INPP4B: variants seen among roughly 807,000 people sequenced by gnomAD.
The protein encoded by INPP4B is inositol polyphosphate 4-phosphatase type II.
Under a neutral mutation model 122.5 loss-of-function variants are expected in INPP4B, and 55 were observed. The ratio of observed to expected loss-of-function variants is 0.45; its 90% confidence interval spans 0.36 to 0.56. INPP4B has a LOEUF of 0.56. Ranked by LOEUF, INPP4B falls within the 20% of genes least tolerant of loss-of-function variation. The probability of loss-of-function intolerance (pLI) is 0.00; values close to 1 mark genes in which losing one functional copy is unlikely to be tolerated. For missense variants in INPP4B, 1,000 were observed against 1,097.7 expected (o/e 0.91, Z 1.26); for synonymous variants, 403 against 388.7 (o/e 1.04, Z -0.43).
intron 9 of INPP4B, among the ~76,000 whole-genome samples, chr4:142,301,955 T>C (rs574508166): frequency 1.3e-4 from 20 of 152,312 alleles, no homozygotes; most frequent in African/African-American, 4.3e-4. Context: ...TCAACTTTTA[T>C]ATTATTTTAT....
intron 25 of INPP4B, among the ~76,000 whole-genome samples, chr4:142,032,569 T>G (rs1297549707): frequency 6.6e-6 from 1 of 152,212 alleles, no homozygotes; most frequent in Non-Finnish European, 1.5e-5. Flanking sequence ...AAATTACTTT[T>G]TCATGTATTT....
At chr4:142,843,088 A>G (rs1176884526) in intron 1 of INPP4B, among the ~76,000 whole-genome samples, 38 of 150,804 alleles carry the variant, frequency 2.5e-4, no homozygotes, top group Non-Finnish European at 5.9e-5. Context: ...TGTGCCTGAG[A>G]CTGAAAGAGT....
chr4:142,721,940 T>C lies in INPP4B; in HGVS notation c.-191+3899A>G, dbSNP rs186689393. ...ATCTTTTAGTCTTTTAAATATACCT[T>C]CAATGGAAATCCTGGAGATTCAAGG... On this transcript the variant is annotated intron_variant, in intron 2 of 25. Transcript: ENST00000262992. Among the ~76,000 whole-genome samples, 713 of 152,290 alleles carry C rather than the reference T, an allele frequency of 4.7e-3. 4 individuals are homozygous for C. The highest frequency in any genetic ancestry group is 0.027 in the Middle Eastern group (8 of 294).
At chr4:142,116,299 G>A (rs960403254) in intron 21 of INPP4B, among the ~76,000 whole-genome samples, 2 of 152,088 alleles carry the variant, frequency 1.3e-5, no homozygotes, top group Non-Finnish European at 2.9e-5. Context: ...ACTCAGCTCT[G>A]CACCAAGCAG....
At chr4:142,509,610 G>C (rs1463772478) in intron 2 of INPP4B, among the ~76,000 whole-genome samples, 1 of 152,062 alleles carries the variant, frequency 6.6e-6, no homozygotes, top group African/African-American at 2.4e-5. Flanking sequence ...GCCACATTTT[G>C]GGAAAACTGG....
At chr4:142,384,514 T>C (rs1468111243) in intron 7 of INPP4B, among the ~76,000 whole-genome samples, 1 of 151,918 alleles carries the variant, frequency 6.6e-6, no homozygotes, top group Non-Finnish European at 1.5e-5. Context: ...TTTGTATATC[T>C]AAACATATCT....
At position 142,837,159 on chromosome 4, in the gene INPP4B, A is replaced by AAATAATAATAAT. The variant is rs150797757; in HGVS notation, c.-254+9038_-254+9049dup. ...TGACAAGAGGGAAACACAGTCTCAAAAATAATAATAATAATAATAATAATA... is the reference window on the plus strand; with the variant it reads ...TGACAAGAGGGAAACACAGTCTCAAAAATAATAATAATAATAATAATAATAATAATAATAATA... On this transcript the variant is annotated intron_variant, in intron 1 of 25. Coordinates refer to ENST00000262992, the MANE Select transcript of INPP4B (RefSeq NM_001101669.3). Among the ~76,000 whole-genome samples, 1,402 of 149,048 alleles carry AAATAATAATAAT rather than the reference A, an allele frequency of 9.4e-3. 25 individuals carry two copies. Among genetic ancestry groups the AAATAATAATAAT allele is most frequent in the African/African-American group, 0.033 (1,300 of 39,568 alleles).
intron 7 of INPP4B, among the ~76,000 whole-genome samples, chr4:142,374,184 A>G (rs577896357): frequency 1.3e-5 from 2 of 152,022 alleles, no homozygotes; most frequent in African/African-American, 4.8e-5. Flanking sequence ...CATTTTATTG[A>G]TAAGTAAAGT....
At chr4:142,254,539 G>A (rs192331080) in intron 11 of INPP4B, among the ~76,000 whole-genome samples, 173 of 152,276 alleles carry the variant, frequency 1.1e-3, no homozygotes, top group African/African-American at 3.7e-3. Flanking sequence ...GCCAAGGCTC[G>A]AGAACTCTGT....
intron 2 of INPP4B, among the ~76,000 whole-genome samples, chr4:142,679,628 T>TTTAA (rs1758309776): frequency 6.6e-6 from 1 of 151,816 alleles, no homozygotes; most frequent in African/African-American, 2.4e-5. Flanking sequence ...TTGGCATGCA[T>TTTAA]TTAACCATAG....
intron 8 of INPP4B, among the ~76,000 whole-genome samples, chr4:142,312,615 T>G (rs1765940180): frequency 6.6e-6 from 1 of 152,136 alleles, no homozygotes; most frequent in Non-Finnish European, 1.5e-5. Flanking sequence ...TTCTTCCATG[T>G]GGGATGGCAA....
chr4:142,715,312 G>T (rs1763624332), intron 2 of INPP4B, among the ~76,000 whole-genome samples: 1 of 152,116 alleles, frequency 6.6e-6, no homozygotes, highest in Non-Finnish European at 1.5e-5. Flanking sequence ...TATAAATATT[G>T]AGCACTTGAA....
At chr4:142,693,366 TGAG>T in intron 2 of INPP4B, among the ~76,000 whole-genome samples, 1 of 151,918 alleles carries the variant, frequency 6.6e-6, no homozygotes, top group Admixed American at 6.6e-5. Context: ...TTTCTTAGGC[TGAG>T]TTCCTTAAAG....
chr4:142,544,075 G>T (rs549139630), intron 2 of INPP4B, among the ~76,000 whole-genome samples: 17 of 151,092 alleles, frequency 1.1e-4, no homozygotes, highest in Non-Finnish European at 1.6e-4. Flanking sequence ...CCTAGTTAGA[G>T]ACTCTGGGGC....
At chr4:142,205,988 TA>T (rs949000985) in intron 14 of INPP4B, among the ~76,000 whole-genome samples, 58 of 152,064 alleles carry the variant, frequency 3.8e-4, no homozygotes, top group African/African-American at 1.2e-3. Flanking sequence ...GAGTAACTTA[TA>T]AAAAAATATA....
chr4:142,718,671 T>C (rs897715523), intron 2 of INPP4B, among the ~76,000 whole-genome samples: 1 of 152,208 alleles, frequency 6.6e-6, no homozygotes, highest in Non-Finnish European at 1.5e-5. Context: ...TAGCTTGATG[T>C]TCATATTGAT....
chr4:142,516,966 C>T (rs985489276), intron 2 of INPP4B, among the ~76,000 whole-genome samples: 1 of 151,980 alleles, frequency 6.6e-6, no homozygotes, highest in African/African-American at 2.4e-5. Context: ...TTTCCCTAAA[C>T]TCTAACCACA....
intron 3 of INPP4B, among the ~76,000 whole-genome samples, chr4:142,461,037 G>A (rs1364448761): frequency 1.3e-5 from 2 of 152,004 alleles, no homozygotes; most frequent in Non-Finnish European, 2.9e-5. Context: ...CAGGCATGGT[G>A]GTGCATGCCT....
intron 1 of INPP4B, among the ~76,000 whole-genome samples, chr4:142,791,700 C>T (rs1441970964): frequency 6.6e-6 from 1 of 152,094 alleles, no homozygotes; most frequent in Admixed American, 6.6e-5. Context: ...GGTGCATCCT[C>T]AGGGATCATG....
Sources: allele counts gnomAD v4.1 joint callset (sites outside exome capture counted in the v4.1 genomes callset), GRCh38; gene constraint gnomAD v4.1.1; transcripts MANE v1.5; gene names NCBI Gene and HGNC (gene_info 2026-07-23, HGNC 2026-07-21).